PWWP3B: variants seen among roughly 807,000 people sequenced by gnomAD.
The protein encoded by PWWP3B is PWWP domain containing 3B.
A neutral mutation model predicts 15.7 loss-of-function variants in PWWP3B; 5 were observed. The observed-to-expected ratio is 0.32, with a 90% CI of 0.17 to 0.67. The LOEUF (loss-of-function observed/expected upper bound fraction) is 0.67, where lower values mean the gene tolerates loss of function less well. Among genes scored for constraint, PWWP3B ranks in the 30% least tolerant of loss-of-function variants. PWWP3B has a pLI of 0.74. For missense variants in PWWP3B, 519 were observed against 493.1 expected (o/e 1.05, Z -0.50); for synonymous variants, 203 against 179.8 (o/e 1.13, Z -1.03).
rs1924191678 is a variant in PWWP3B, at chrX:106,208,853, T to C, written c.*1330T>C. ...GTCTGCATTTCTACCTGTTAGACAATGGTTGCTCTTGGGCTCTTGTTATAC... is the reference window on the plus strand; with the variant it reads ...GTCTGCATTTCTACCTGTTAGACAACGGTTGCTCTTGGGCTCTTGTTATAC... On this transcript the variant is annotated 3_prime_UTR_variant, in exon 4 of 4. Transcript: ENST00000357175. 2.4e-5 allele frequency: 3 copies of C among 123,618 alleles called. No individual in the cohort carries two copies. The highest frequency in any genetic ancestry group is 9.7e-5 in the African/African-American group (3 of 30,925). 10.2% of individuals were successfully genotyped at this position (123,618 alleles called of 1,213,427 possible).
At chrX:106,169,960 C>G (rs1051699082) in intron 1 of PWWP3B, among the ~76,000 whole-genome samples, 3 of 110,711 alleles carry the variant, frequency 2.7e-5, no homozygotes, top group Non-Finnish European at 5.7e-5. Context: ...ATAATACATG[C>G]CACTTTATTA....
chrX:106,193,809 G>A (rs1923174906), intron 2 of PWWP3B, among the ~76,000 whole-genome samples: 1 of 111,736 alleles, frequency 8.9e-6, no homozygotes, highest in Non-Finnish European at 1.9e-5. Flanking sequence ...AGCTTAGTTT[G>A]GCTGGATATG....
chrX:106,176,181 C>T (rs1485997289), intron 2 of PWWP3B, among the ~76,000 whole-genome samples: 1 of 111,484 alleles, frequency 9.0e-6, no homozygotes, highest in African/African-American at 3.3e-5. Context: ...GCAACCTCCA[C>T]CTCCCGGGTT....
Position 106,205,724 on chromosome X carries a change from A to T in PWWP3B, c.292A>T (p.Asn98Tyr). 8.3e-7 allele frequency: 1 copy of T among 1,211,794 alleles called. No homozygotes were observed. The highest frequency in any genetic ancestry group is 1.1e-6 in the Non-Finnish European group (1 of 895,479). The change falls in exon 4 of 4, where the codon AAT becomes TAT. Residue 98 changes from asparagine to tyrosine, a missense_variant. Asn to Tyr is a moderately radical substitution (Grantham distance 143, BLOSUM62 -2). Coordinates refer to ENST00000357175, the MANE Select transcript of PWWP3B (RefSeq NM_001171020.2). ...RSLKVALGIL[N>Y]ERTNLSQAST... ...ACTAAAAGTGGCACTGGGTATTCTG[A>T]ATGAGAGAACAAATTTGAGTCAAGC... is the stretch of plus-strand genomic sequence containing the variant.
In PWWP3B at chrX:106,175,239, T is replaced by TC. The variant is rs1478843329; in HGVS notation, c.-401+4100_-401+4101insC. On this transcript the variant is annotated intron_variant, in intron 2 of 3. Transcript: ENST00000357175. Reference sequence around the variant, plus strand: ...AACACTCACGCTGGGGTTATTTCTTTTTTTTTTTTTTTTTTTTTTGAGACG... The same window carrying TC: ...AACACTCACGCTGGGGTTATTTCTTTCTTTTTTTTTTTTTTTTTTTGAGACG... 2.8e-4 allele frequency among the ~76,000 whole-genome samples: 24 copies of TC among 85,838 alleles called. 1 individual carries two copies. Among genetic ancestry groups the TC allele is most frequent in the African/African-American group, 1.0e-3 (24 of 22,994 alleles). 74.5% of individuals were successfully genotyped at this position (85,838 alleles called of 115,157 possible).
rs1372594729 is a variant in PWWP3B, at chrX:106,206,294, A to G, written c.862A>G (p.Asn288Asp). Residue 288 changes from asparagine to aspartate, a missense_variant, in exon 4 of 4, where the codon AAT (asparagine) becomes GAT (aspartate). Asn to Asp is a conservative substitution (Grantham distance 23, BLOSUM62 1). Coordinates refer to ENST00000357175, the MANE Select transcript of PWWP3B (RefSeq NM_001171020.2). ...NIEDPGEGPS[N>D]PCLDTSQNQP... The stretch of plus-strand genomic sequence containing the variant: ...TGAGGATCCTGGAGAGGGTCCCTCA[A>G]ATCCATGCTTAGATACCAGCCAGAA... 3.3e-6 allele frequency: 4 copies of G among 1,204,511 alleles called. No individual in the cohort carries two copies. The highest frequency in any genetic ancestry group is 4.5e-6 in the Non-Finnish European group (4 of 892,084).
chrX:106,207,736 G>T lies in PWWP3B; in HGVS notation c.*213G>T. The T allele has an allele frequency of 2.9e-6, 1 of 345,135 alleles. No homozygotes were observed. Among genetic ancestry groups the T allele is most frequent in the African/African-American group, 2.6e-5 (1 of 38,320 alleles). The allele number at this position is 345,135 out of a possible 1,213,427, so 28.4% of individuals were successfully genotyped here. Reference sequence around the variant, plus strand: ...AAGTTAATTTTGTCAACATATTTCAGCAGTTCTACTTTCCCGTACATTTTT... The same window carrying T: ...AAGTTAATTTTGTCAACATATTTCATCAGTTCTACTTTCCCGTACATTTTT... On this transcript the variant is annotated 3_prime_UTR_variant, in exon 4 of 4. Coordinates refer to ENST00000357175, the MANE Select transcript of PWWP3B (RefSeq NM_001171020.2).
At chrX:106,181,393 A>G (rs565129847) in intron 2 of PWWP3B, among the ~76,000 whole-genome samples, 4 of 111,548 alleles carry the variant, frequency 3.6e-5, no homozygotes, top group African/African-American at 1.3e-4. Context: ...CAGAGTGCTG[A>G]TTGGTCCATT....
rs190304894 is a variant in PWWP3B, at chrX:106,207,739, G to A, written c.*216G>A. On this transcript the variant is annotated 3_prime_UTR_variant, in exon 4 of 4. Transcript: ENST00000357175. ...TTAATTTTGTCAACATATTTCAGCA[G>A]TTCTACTTTCCCGTACATTTTTTAG... 168 of 337,178 alleles carry A rather than the reference G, an allele frequency of 5.0e-4. 1 individual carries two copies. The highest frequency in any genetic ancestry group is 4.2e-3 in the African/African-American group (159 of 37,619). 27.8% of individuals were successfully genotyped at this position (337,178 alleles called of 1,213,427 possible).
intron 2 of PWWP3B, among the ~76,000 whole-genome samples, chrX:106,189,711 G>A (rs749675914): frequency 1.4e-3 from 142 of 103,530 alleles, no homozygotes; most frequent in African/African-American, 4.7e-3. Flanking sequence ...TCTGCCTCCC[G>A]GGTTCACGCC....
rs1338376516 is a variant in PWWP3B at position 106,194,959 on chromosome X, G to A, written c.-400-9026G>A. On this transcript the variant is annotated intron_variant, in intron 2 of 3. Transcript: ENST00000357175. The stretch of plus-strand genomic sequence containing the variant: ...GGTGTCAGTCTGCCCCTACTGGGGG[G>A]TGCCTCCCAATTAGGCTACTCGGGG... 2.7e-5 allele frequency among the ~76,000 whole-genome samples: 3 copies of A among 111,568 alleles called. No homozygotes were observed. The East Asian group carries it at 8.5e-4, about 32-fold the overall frequency.
intron 2 of PWWP3B, among the ~76,000 whole-genome samples, chrX:106,184,069 C>T (rs936901758): frequency 8.9e-6 from 1 of 111,809 alleles, no homozygotes; most frequent in East Asian, 2.8e-4. Flanking sequence ...TCTGAACCAC[C>T]AAGGTTTGTT....
At chrX:106,188,662 T>A (rs965509894) in intron 2 of PWWP3B, among the ~76,000 whole-genome samples, 1 of 112,530 alleles carries the variant, frequency 8.9e-6, no homozygotes, top group African/African-American at 3.2e-5. Context: ...TCCTGCCCCA[T>A]TGTAGTCAAT....
intron 2 of PWWP3B, among the ~76,000 whole-genome samples, chrX:106,202,984 G>A (rs1169331004): frequency 1.8e-5 from 2 of 111,079 alleles, no homozygotes; most frequent in African/African-American, 6.5e-5. Flanking sequence ...TTTATCTGGG[G>A]TTTGTTACAT....
At chrX:106,193,099 A>G (rs1342255986) in intron 2 of PWWP3B, among the ~76,000 whole-genome samples, 1 of 110,660 alleles carries the variant, frequency 9.0e-6, no homozygotes, top group Non-Finnish European at 1.9e-5. Context: ...GGTATTGTTA[A>G]CTTTCTGTCT....
At chrX:106,186,252 C>T (rs1247382037) in intron 2 of PWWP3B, among the ~76,000 whole-genome samples, 1 of 110,640 alleles carries the variant, frequency 9.0e-6, no homozygotes, top group Admixed American at 9.7e-5. Flanking sequence ...GTTGTCAGGA[C>T]CCCAGAGCTG....
chrX:106,200,332 G>A (rs1198366081), intron 2 of PWWP3B, among the ~76,000 whole-genome samples: 1 of 111,115 alleles, frequency 9.0e-6, no homozygotes, highest in Non-Finnish European at 1.9e-5. Flanking sequence ...ATAAACTTTT[G>A]GGGGATTGAA....
chrX:106,191,730 A>T (rs1416677165), intron 2 of PWWP3B, among the ~76,000 whole-genome samples: 1 of 111,227 alleles, frequency 9.0e-6, no homozygotes, highest in East Asian at 2.8e-4. Flanking sequence ...TACCTAATTT[A>T]TTGAGAGTTT....
chrX:106,205,717 T>C lies in PWWP3B; in HGVS notation c.285T>C (p.Gly95=), dbSNP rs899039403. The C allele has an allele frequency of 5.0e-6, 6 of 1,209,837 alleles. No homozygotes were observed. In the Admixed American group the frequency reaches 1.3e-4, roughly 26 times the overall value. ...AYGRSLKVAL[G]ILNERTNLSQ... Reference sequence around the variant, plus strand: ...GAAGATCACTAAAAGTGGCACTGGGTATTCTGAATGAGAGAACAAATTTGA... The same window carrying C: ...GAAGATCACTAAAAGTGGCACTGGGCATTCTGAATGAGAGAACAAATTTGA... The change falls in exon 4 of 4, where the codon GGT becomes GGC. Residue 95 remains glycine (G), a synonymous_variant. Coordinates refer to ENST00000357175, the MANE Select transcript of PWWP3B (RefSeq NM_001171020.2).
Sources: allele counts gnomAD v4.1 joint callset (sites outside exome capture counted in the v4.1 genomes callset), GRCh38; gene constraint gnomAD v4.1.1; transcripts MANE v1.5; gene names NCBI Gene and HGNC (gene_info 2026-07-23, HGNC 2026-07-21).